CNTN3: variants seen among roughly 807,000 people sequenced by gnomAD.
The protein encoded by CNTN3 is contactin-3.
A neutral mutation model predicts 119.1 loss-of-function variants in CNTN3; 60 were observed. The ratio of observed to expected loss-of-function variants is 0.50; its 90% confidence interval spans 0.41 to 0.62. The LOEUF (loss-of-function observed/expected upper bound fraction) is 0.62, where lower values mean the gene tolerates loss of function less well. CNTN3 is among the 20% of genes least tolerant of loss of function. The probability of loss-of-function intolerance (pLI) is 0.00; values close to 1 mark genes in which losing one functional copy is unlikely to be tolerated. For synonymous variants in CNTN3, 450 were observed against 438.7 expected, an observed-to-expected ratio of 1.03 and a Z score of -0.32; for missense variants, 1,101 against 1,242.4, an observed-to-expected ratio of 0.89 and a Z score of 1.71.
chr3:74,557,825 CT>C (rs1189208236), intron 1 of CNTN3, among the ~76,000 whole-genome samples: 1 of 151,958 alleles, frequency 6.6e-6, no homozygotes, highest in East Asian at 1.9e-4. Context: ...TTGAGGCCAG[CT>C]GCAGAGATAG....
chr3:74,599,957 G>T (rs1385109270), intron 1 of CNTN3, among the ~76,000 whole-genome samples: 1 of 152,066 alleles, frequency 6.6e-6, no homozygotes, highest in Non-Finnish European at 1.5e-5. Context: ...GTGTGATCTT[G>T]ACAGAAGTAA....
intron 4 of CNTN3, among the ~76,000 whole-genome samples, chr3:74,482,854 C>T (rs1005286545): frequency 6.6e-6 from 1 of 152,066 alleles, no homozygotes; most frequent in Non-Finnish European, 1.5e-5. Flanking sequence ...TTTCAGTTAG[C>T]GTATAACTTT....
intron 1 of CNTN3, among the ~76,000 whole-genome samples, chr3:74,611,757 G>A (rs1275477713): frequency 6.6e-6 from 1 of 152,126 alleles, no homozygotes; most frequent in East Asian, 1.9e-4. Flanking sequence ...GCATATGCAT[G>A]TGTGCATATT....
chr3:74,481,177 T>C (rs1404295018), intron 4 of CNTN3, among the ~76,000 whole-genome samples: 3 of 151,812 alleles, frequency 2.0e-5, no homozygotes, highest in Non-Finnish European at 4.4e-5. Flanking sequence ...AAAGCCATCA[T>C]CAATGTGAGA....
At position 74,422,344 on chromosome 3, in the gene CNTN3, T is replaced by C. The variant is rs9871530; in HGVS notation, c.454+2501A>G. ...TGCTCTGGGTTCTTATGGGTTCATG[T>C]CTGACATCTGGGAAGATTTCTTCCC... On this transcript the variant is annotated intron_variant, in intron 5 of 22. Coordinates refer to ENST00000263665, the MANE Select transcript of CNTN3 (RefSeq NM_020872.3). Among the ~76,000 whole-genome samples the C allele has an allele frequency of 5.0e-4, 76 of 152,328 alleles. 1 individual carries two copies. The highest frequency in any genetic ancestry group is 1.4e-3 in the African/African-American group (60 of 41,568).
intron 20 of CNTN3, among the ~76,000 whole-genome samples, chr3:74,274,716 A>G (rs1173175679): frequency 1.3e-5 from 2 of 152,120 alleles, no homozygotes; most frequent in Admixed American, 1.3e-4. Context: ...AATCAGAAAA[A>G]CAACTCTGGT....
intron 5 of CNTN3, among the ~76,000 whole-genome samples, chr3:74,421,201 C>T (rs113655355): frequency 0.032 from 4,822 of 152,146 alleles, 105 homozygotes; most frequent in Non-Finnish European, 0.049. Context: ...GACAGAGTCT[C>T]GCTCTGTTGC....
intron 20 of CNTN3, among the ~76,000 whole-genome samples, chr3:74,268,979 G>A (rs943556346): frequency 3.3e-5 from 5 of 149,454 alleles, no homozygotes; most frequent in Non-Finnish European, 7.4e-5. Context: ...GGTTTATCTT[G>A]TATGAGTCAC....
At chr3:74,446,272 T>C (rs1196237866) in intron 4 of CNTN3, among the ~76,000 whole-genome samples, 3 of 152,182 alleles carry the variant, frequency 2.0e-5, no homozygotes, top group Non-Finnish European at 4.4e-5. Context: ...TGTGAAATTT[T>C]ATTATGCACT....
At chr3:74,266,797 AT>A in intron 21 of CNTN3, 148 bp from the exon 22 acceptor site, 1 of 700,498 alleles carries the variant, frequency 1.4e-6, no homozygotes, top group Non-Finnish European at 2.4e-6. Context: ...TAAGTCTTAG[AT>A]TAGAGGTTAG....
intron 13 of CNTN3, among the ~76,000 whole-genome samples, chr3:74,304,973 C>A (rs79957573): frequency 6.6e-6 from 1 of 152,120 alleles, no homozygotes; most frequent in East Asian, 1.9e-4. Flanking sequence ...CTAATGCTAT[C>A]TCTCTCCCAC....
At chr3:74,532,159 G>A (rs549999301) in intron 1 of CNTN3, among the ~76,000 whole-genome samples, 42 of 152,106 alleles carry the variant, frequency 2.8e-4, no homozygotes, top group African/African-American at 9.1e-4. Flanking sequence ...ATAGTGGTGG[G>A]TAGATGTGTG....
At chr3:74,492,418 C>G (rs926062881) in intron 3 of CNTN3, among the ~76,000 whole-genome samples, 2 of 152,142 alleles carry the variant, frequency 1.3e-5, no homozygotes, top group Non-Finnish European at 2.9e-5. Flanking sequence ...CTACACACAA[C>G]AGGGACACTG....
chr3:74,528,039 C>G (rs1396000538), intron 1 of CNTN3, among the ~76,000 whole-genome samples: 2 of 151,824 alleles, frequency 1.3e-5, no homozygotes, highest in African/African-American at 2.4e-5. Context: ...ACTTTAGGGT[C>G]TTACTACATA....
At chr3:74,596,363 G>C (rs1704809858) in intron 1 of CNTN3, among the ~76,000 whole-genome samples, 1 of 152,040 alleles carries the variant, frequency 6.6e-6, no homozygotes, top group African/African-American at 2.4e-5. Flanking sequence ...AACCAAAAAA[G>C]AGCCCACATC....
At chr3:74,387,827 G>T (rs1340311652) in intron 5 of CNTN3, among the ~76,000 whole-genome samples, 1 of 152,166 alleles carries the variant, frequency 6.6e-6, no homozygotes, top group Non-Finnish European at 1.5e-5. Flanking sequence ...GATATTAATT[G>T]AAAATGAAAG....
chr3:74,594,522 C>T (rs1352954076), intron 1 of CNTN3, among the ~76,000 whole-genome samples: 1 of 151,602 alleles, frequency 6.6e-6, no homozygotes, highest in African/African-American at 2.4e-5. Flanking sequence ...CAATTCCCAT[C>T]TATGAGTGAG....
intron 4 of CNTN3, among the ~76,000 whole-genome samples, chr3:74,462,265 C>T (rs934423853): frequency 6.6e-6 from 1 of 152,046 alleles, no homozygotes; most frequent in African/African-American, 2.4e-5. Flanking sequence ...AACATCTTTT[C>T]TTTATAAATT....
chr3:74,422,900 C>G (rs1225851218), intron 5 of CNTN3, among the ~76,000 whole-genome samples: 2 of 152,168 alleles, frequency 1.3e-5, no homozygotes, highest in African/African-American at 4.8e-5. Context: ...TGCTTGTCAG[C>G]TGGTGGACTG....
Sources: allele counts gnomAD v4.1 joint callset (sites outside exome capture counted in the v4.1 genomes callset), GRCh38; gene constraint gnomAD v4.1.1; transcripts MANE v1.5; gene names NCBI Gene and HGNC (gene_info 2026-07-23, HGNC 2026-07-21).